Variants in MRPS25 observed in about 807,000 individuals in gnomAD.
The protein encoded by MRPS25 is mitochondrial ribosomal protein S25.
In MRPS25, 15 loss-of-function variants were observed where a neutral mutation model predicts 17.3. That is an observed-to-expected ratio of 0.87 (90% CI 0.58 to 1.34). The LOEUF (loss-of-function observed/expected upper bound fraction) is 1.34. Among genes scored for constraint, MRPS25 ranks in the 40% most tolerant of loss-of-function variants. The pLI is 0.00. For missense variants in MRPS25, 225 were observed against 218.6 expected (o/e 1.03, Z -0.19); for synonymous variants, 94 against 83.3 (o/e 1.13, Z -0.70).
At chr3:15,044,401 GAT>G (rs745491080), downstream of MRPS25, 15 of 152,170 alleles carry the variant, frequency 9.9e-5, no homozygotes, top group Non-Finnish European at 1.5e-4. Context: ...TTTCCAGGGT[GAT>G]AGTCTTTCTC....
At chr3:15,060,008 T>C (rs1575071062) in intron 1 of MRPS25, among the ~76,000 whole-genome samples, 1 of 149,904 alleles carries the variant, frequency 6.7e-6, no homozygotes, top group South Asian at 2.1e-4. Context: ...AAATGCATAA[T>C]CATAGTATTC....
intron 3 of MRPS25, 108 bp from the exon 4 acceptor site, chr3:15,052,741 T>C: frequency 8.8e-7 from 1 of 1,138,830 alleles, no homozygotes; most frequent in Non-Finnish European, 1.3e-6. Context: ...CACCTGGATC[T>C]CCTGCCTTCT....
In MRPS25 at chr3:15,065,209, C is replaced by A; in HGVS notation, c.-15G>T. 2 of 1,575,174 alleles carry A rather than the reference C, an allele frequency of 1.3e-6. No individual in the cohort carries two copies. Among genetic ancestry groups the A allele is most frequent in the Non-Finnish European group, 1.7e-6 (2 of 1,163,022 alleles). ...TTCATGGGCATGGCGGCAACGGTGG[C>A]GGGGCCGACCCCACGGGCCGCGAGC... On this transcript the variant is annotated 5_prime_UTR_variant, in exon 1 of 4. Coordinates refer to ENST00000253686, the MANE Select transcript of MRPS25 (RefSeq NM_022497.5).
At chr3:15,045,497 G>C (rs1034140466), downstream of MRPS25, 1 of 152,702 alleles carries the variant, frequency 6.5e-6, no homozygotes, top group Admixed American at 6.5e-5. Flanking sequence ...TCCAGGGACT[G>C]TTTTGGGCTT....
Position 15,052,651 on chromosome 3 carries a change from C to T in MRPS25, c.330-18G>A, listed in dbSNP as rs376380167. The T allele has an allele frequency of 2.9e-4, 461 of 1,608,584 alleles. No homozygotes were observed. Among genetic ancestry groups the T allele is most frequent in the Middle Eastern group, 9.9e-4 (6 of 6,046 alleles). ...GGGTTTCCCTGCCAAAGAGCACAGA[C>T]GGCAACCAAGCATTGGCAACTTTGA... On this transcript the variant is annotated intron_variant, in intron 3 of 3. Transcript: ENST00000253686.
Position 15,052,580 on chromosome 3 carries a change from T to C in MRPS25, c.383A>G (p.Asn128Ser), listed in dbSNP as rs1444016906. Residue 128 changes from asparagine to serine, a missense_variant, in exon 4 of 4, where the codon AAC becomes AGC. Asn to Ser is a conservative substitution (Grantham distance 46). Transcript: ENST00000253686. ...CAGGCAGTACTTTCGAGGGCCGAAG[T>C]TGGCTGGGTGAGAAAGCTGCTTTTT... is the stretch of plus-strand genomic sequence containing the variant. ...EEKKQLSHPA[N>S]FGPRKYCLRE... 1 of 1,614,042 alleles carries C rather than the reference T, an allele frequency of 6.2e-7. No homozygotes were observed. The highest frequency in any genetic ancestry group is 8.5e-7 in the Non-Finnish European group (1 of 1,180,022).
Position 15,060,953 on chromosome 3 carries a change from C to T in MRPS25, c.135-1478G>A, listed in dbSNP as rs140221945. ...GGGGAGGAATAGAGGCCTTGGAGAC[C>T]CTCACAGCACACAGACCTGGGAGCT... On this transcript the variant is annotated intron_variant, in intron 1 of 3. Coordinates refer to ENST00000253686, the MANE Select transcript of MRPS25 (RefSeq NM_022497.5). Among the ~76,000 whole-genome samples, 178 of 152,180 alleles carry T rather than the reference C, an allele frequency of 1.2e-3. 4 individuals carry two copies. In the East Asian group the frequency reaches 0.028, roughly 24 times the overall value.
At chr3:15,062,596 T>G (rs1353387296) in intron 1 of MRPS25, among the ~76,000 whole-genome samples, 3 of 151,982 alleles carry the variant, frequency 2.0e-5, no homozygotes, top group Non-Finnish European at 2.9e-5. Context: ...GAACGGGCCA[T>G]GATGACAATG....
At chr3:15,046,026 A>AT (rs2042436689), downstream of MRPS25, 1 of 152,200 alleles carries the variant, frequency 6.6e-6, no homozygotes, top group African/African-American at 2.4e-5. Flanking sequence ...ACAGGAAGAG[A>AT]TTTTTTGAAA....
rs556713016 is a variant in MRPS25 at position 15,051,818 on chromosome 3, C to T, written c.*623G>A. The T allele has an allele frequency of 1.2e-5, 12 of 985,516 alleles. No homozygotes were observed. Among genetic ancestry groups the T allele is most frequent in the South Asian group, 9.4e-5 (2 of 21,294 alleles). 61.0% of individuals were successfully genotyped at this position (985,516 alleles called of 1,614,324 possible). A position where few individuals can be genotyped will look rare whatever the true frequency, so the allele number is the denominator to read the frequency against. ...GCAGTGGCTGACTGGTCAGCAGGTA[C>T]GTGCCTGAGTGAGGCTGGCCTGTCA... On this transcript the variant is annotated 3_prime_UTR_variant, in exon 4 of 4. Transcript: ENST00000253686.
intron 2 of MRPS25, among the ~76,000 whole-genome samples, chr3:15,055,956 G>A (rs201002450): frequency 3.2e-4 from 49 of 151,268 alleles, no homozygotes; most frequent in East Asian, 1.4e-3. Context: ...GCTCATGCCT[G>A]TAATCCCAGC....
chr3:15,051,516 G>T lies in MRPS25; in HGVS notation c.*925C>A, dbSNP rs775676226. On this transcript the variant is annotated 3_prime_UTR_variant, in exon 4 of 4. Coordinates refer to ENST00000253686, the MANE Select transcript of MRPS25 (RefSeq NM_022497.5). ...CCTATTCTTAAGGTGACCCTAGAAG[G>T]CTCTGCTGTCTTCTGGAGGCTGAAA... 2.8e-4 allele frequency: 271 copies of T among 985,158 alleles called. No homozygotes were observed. Among genetic ancestry groups the T allele is most frequent in the Non-Finnish European group, 3.2e-4 (262 of 829,874 alleles). The allele number at this position is 985,158 out of a possible 1,614,324, so 61.0% of individuals were successfully genotyped here. A position where few individuals can be genotyped will look rare whatever the true frequency, so the allele number is the denominator to read the frequency against.
intron 3 of MRPS25, among the ~76,000 whole-genome samples, 180 bp from the exon 4 acceptor site, chr3:15,052,813 G>A (rs2042622272): frequency 6.6e-6 from 1 of 152,146 alleles, no homozygotes; most frequent in Non-Finnish European, 1.5e-5. Context: ...GGAGAGCGCT[G>A]AAAGAAGGCC....
intron 2 of MRPS25, among the ~76,000 whole-genome samples, chr3:15,055,471 T>G (rs1343926228): frequency 6.6e-6 from 1 of 152,208 alleles, no homozygotes; most frequent in Non-Finnish European, 1.5e-5. Flanking sequence ...CAAGTGCTAG[T>G]GAGGATGCGG....
Position 15,059,458 on chromosome 3 carries a change from T to C in MRPS25, c.152A>G (p.Asn51Ser), listed in dbSNP as rs139747261. 25 of 1,612,754 alleles carry C rather than the reference T, an allele frequency of 1.6e-5. No homozygotes were observed. The Admixed American group carries it at 1.8e-4, about 12-fold the overall frequency. ...GTTTTTGTATTGAATCTGAGGTATGTTGAAAAACACAAACTTCCTGCAAAA... is the reference window on the plus strand; with the variant it reads ...GTTTTTGTATTGAATCTGAGGTATGCTGAAAAACACAAACTTCCTGCAAAA... ...GEGARKFVFF[N>S]IPQIQYKNPW... Residue 51 changes from asparagine (N) to serine (S), a missense_variant, in exon 2 of 4, where the codon AAC (asparagine) becomes AGC (serine). Physicochemically the swap from Asn to Ser is conservative, Grantham distance 46. Coordinates refer to ENST00000253686, the MANE Select transcript of MRPS25 (RefSeq NM_022497.5).
At chr3:15,044,234 A>G (rs2042372540), downstream of MRPS25, 1 of 152,226 alleles carries the variant, frequency 6.6e-6, no homozygotes, top group African/African-American at 2.4e-5. Context: ...CTTAAATACC[A>G]GAGATTTTAA....
At chr3:15,043,124 T>C, downstream of MRPS25, 2 of 964,986 alleles carry the variant, frequency 2.1e-6, no homozygotes, top group Non-Finnish European at 1.4e-6. Context: ...CCATTTCCTG[T>C]CTGGTTTCTC....
chr3:15,062,424 G>A (rs1267284367), intron 1 of MRPS25, among the ~76,000 whole-genome samples: 5 of 41,342 alleles, frequency 1.2e-4, no homozygotes, highest in African/African-American at 1.8e-4. Flanking sequence ...CCGGCCAGCC[G>A]CCCCATCCGG....
At chr3:15,056,020 T>A (rs913157442) in intron 2 of MRPS25, among the ~76,000 whole-genome samples, 2 of 151,874 alleles carry the variant, frequency 1.3e-5, no homozygotes, top group Non-Finnish European at 2.9e-5. Flanking sequence ...GAGACCATCC[T>A]GGCTAACACC....
Sources: allele counts gnomAD v4.1 joint callset (sites outside exome capture counted in the v4.1 genomes callset), GRCh38; gene constraint gnomAD v4.1.1; transcripts MANE v1.5; gene names NCBI Gene and HGNC (gene_info 2026-07-23, HGNC 2026-07-21).